SURF1: variants seen among roughly 807,000 people sequenced by gnomAD.
SURF1 encodes surfeit locus protein 1.
A neutral mutation model predicts 34.1 loss-of-function variants in SURF1; 45 were observed. That is an observed-to-expected ratio of 1.32 (90% CI 1.04 to 1.69). The LOEUF (loss-of-function observed/expected upper bound fraction) is 1.69. SURF1 is among the 40% of genes most tolerant of loss of function. The pLI, the probability that SURF1 is intolerant of heterozygous loss-of-function variation, is 0.00. For missense variants in SURF1, 456 were observed against 384.6 expected, an observed-to-expected ratio of 1.19 and a Z score of -1.55; for synonymous variants, 188 against 147.5, an observed-to-expected ratio of 1.27 and a Z score of -1.99.
chr9:133,353,757 G>A lies in SURF1; in HGVS notation c.507C>T (p.Thr169=), dbSNP rs2130014288. The A allele has an allele frequency of 1.4e-5, 23 of 1,613,700 alleles. No individual in the cohort carries two copies. In the Admixed American group the frequency reaches 1.7e-4, roughly 12 times the overall value. Residue 169 remains threonine (T), a synonymous_variant, in exon 5 of 9, where the codon ACC becomes ACT. Transcript: ENST00000371974. Reference sequence around the variant, plus strand: ...CCACATGTCCTACTCACCCCAGGTCGGTGCAGTGGAAGGGAGTGACCACAT... The same window carrying A: ...CCACATGTCCTACTCACCCCAGGTCAGTGCAGTGGAAGGGAGTGACCACAT... The part of the protein sequence containing the change: ...GAYVVTPFHC[T]DLGVTILVNR...
rs2130012458 is a variant in SURF1, at chr9:133,353,173, C to A, written c.516-407G>T. On this transcript the variant is annotated intron_variant, in intron 5 of 8. Coordinates refer to ENST00000371974, the MANE Select transcript of SURF1 (RefSeq NM_003172.4). ...GTGAGGAGCAGCCCTGGCACCCCAG[C>A]CTGCTGGAGATGAGTACTTGGGCCC... is the stretch of plus-strand genomic sequence containing the variant. Among the ~76,000 whole-genome samples the A allele has an allele frequency of 2.6e-5, 4 of 152,226 alleles. No homozygotes were observed. In the East Asian group the frequency reaches 5.8e-4, roughly 22 times the overall value.
rs782269669 is a variant in SURF1, at chr9:133,351,924, G to C, written c.892C>G (p.Pro298Ala). ...CAGCAGCTGATCTGTCACACACCAG[G>C]TGTCCCACGTAGGAATTTCTTAAAC... Reference protein sequence around the residue: ...LWFKKFLRGTPGV With the variant: ...LWFKKFLRGTAGV Residue 298 changes from proline (P) to alanine (A), a missense_variant, in exon 9 of 9, where the codon CCT (proline) becomes GCT (alanine). Physicochemically the swap from Pro to Ala is conservative, Grantham distance 27. Transcript: ENST00000371974. 5.0e-6 allele frequency: 8 copies of C among 1,613,782 alleles called. No homozygotes were observed. The highest frequency in any genetic ancestry group is 6.8e-6 in the Non-Finnish European group (8 of 1,179,940).
Position 133,356,304 on chromosome 9 carries a change from G to A in SURF1, c.71C>T (p.Ala24Val), listed in dbSNP as rs2130025150. Reference protein sequence around the residue: ...AGLGRAPASAAWRSVLRVSPR... With the variant: ...AGLGRAPASAVWRSVLRVSPR... ...GGAGACCCTGAGGACGCTCCTCCAG[G>A]CGGCGCTGGCCGGGGCCTGCGGACA... The change falls in exon 2 of 9, where the codon GCC becomes GTC. Residue 24 changes from alanine to valine, a missense_variant. Physicochemically the swap from Ala to Val is moderately conservative, Grantham distance 64. Coordinates refer to ENST00000371974, the MANE Select transcript of SURF1 (RefSeq NM_003172.4). 1.3e-6 allele frequency: 2 copies of A among 1,527,116 alleles called. No individual in the cohort carries two copies. The highest frequency in any genetic ancestry group is 2.4e-5 in the South Asian group (2 of 83,498). 94.6% of individuals were successfully genotyped at this position (1,527,116 alleles called of 1,614,324 possible).
rs2130004908 is a variant in SURF1 at position 133,352,130 on chromosome 9, G to A, written c.764C>T (p.Pro255Leu). 3 of 1,602,686 alleles carry A rather than the reference G, an allele frequency of 1.9e-6. No homozygotes were observed. In the East Asian group the frequency reaches 6.7e-5, roughly 36 times the overall value. ...GGTTTGCCCTCCAATGGGTCCTCCAGGGACTGTGCTCTCTGTGGAGACAGC... is the reference window on the plus strand; with the variant it reads ...GGTTTGCCCTCCAATGGGTCCTCCAAGGACTGTGCTCTCTGTGGAGACAGC... ...FIDANFQSTV[P>L]GGPIGGQTRV... Residue 255 changes from proline to leucine, a missense_variant, in exon 8 of 9, where the codon CCT (proline) becomes CTT (leucine). By Grantham distance (98) the Pro-to-Leu change is moderately conservative. Transcript: ENST00000371974.
chr9:133,356,403 T>A lies in SURF1; in HGVS notation c.51A>T (p.Gly17=), dbSNP rs1237277538. Residue 17 remains glycine, a synonymous_variant, in exon 1 of 9, where the codon GGA becomes GGT. Coordinates refer to ENST00000371974, the MANE Select transcript of SURF1 (RefSeq NM_003172.4). ...GCACCCCGCACCCGGCGCTCACCCG[T>A]CCCAGCCCCGCCGCCCGCAGCCCCA... ...LQLGLRAAGL[G]RAPASAAWRS... is the part of the protein sequence containing the mutation. 2 of 705,258 alleles carry A rather than the reference T, an allele frequency of 2.8e-6. No individual in the cohort carries two copies. Among genetic ancestry groups the A allele is most frequent in the Non-Finnish European group, 3.9e-6 (2 of 508,618 alleles). 43.7% of individuals were successfully genotyped at this position (705,258 alleles called of 1,614,324 possible). A position where few individuals can be genotyped will look rare whatever the true frequency, so the allele number is the denominator to read the frequency against.
chr9:133,354,642 G>A lies in SURF1; in HGVS notation c.323+17C>T. ...ACTCAAGTAAAACAGGCCCTAGGGG[G>A]GCAGCCATGCACTCACTCGGCTGGC... On this transcript the variant is annotated intron_variant, in intron 4 of 8. Coordinates refer to ENST00000371974, the MANE Select transcript of SURF1 (RefSeq NM_003172.4). 6.2e-7 allele frequency: 1 copy of A among 1,612,026 alleles called. No individual in the cohort carries two copies. The highest frequency in any genetic ancestry group is 1.1e-5 in the South Asian group (1 of 91,016).
chr9:133,352,388 A>C, intron 7 of SURF1, 58 bp downstream of exon 7: 1 of 1,613,044 alleles, frequency 6.2e-7, no homozygotes, highest in East Asian at 2.2e-5. Flanking sequence ...GAGGGTTAGG[A>C]GGAAGGACAG....
Position 133,351,804 on chromosome 9 carries a change from C to T in SURF1, c.*109G>A. On this transcript the variant is annotated 3_prime_UTR_variant, in exon 9 of 9. Coordinates refer to ENST00000371974, the MANE Select transcript of SURF1 (RefSeq NM_003172.4). ...GATTTTATGATGAACCAGTCATGAGCTCATTTAAGGTAGAAGGCCAGAACT... is the reference window on the plus strand; with the variant it reads ...GATTTTATGATGAACCAGTCATGAGTTCATTTAAGGTAGAAGGCCAGAACT... 8.0e-7 allele frequency: 1 copy of T among 1,244,212 alleles called. No individual in the cohort carries two copies. Among genetic ancestry groups the T allele is most frequent in the Non-Finnish European group, 1.2e-6 (1 of 869,426 alleles). The allele number at this position is 1,244,212 out of a possible 1,614,324, so 77.1% of individuals were successfully genotyped here. A position where few individuals can be genotyped will look rare whatever the true frequency, so the allele number is the denominator to read the frequency against.
Position 133,353,857 on chromosome 9 carries a change from G to A in SURF1, c.407C>T (p.Pro136Leu). ...CCGGACAGGGTCCACCATGGTCCGG[G>A]GCATCATATACAGCTCCTTGGAATG... ...FDHSKELYMM[P>L]RTMVDPVREA... is the part of the protein sequence containing the mutation. Residue 136 changes from proline (P) to leucine (L), a missense_variant, in exon 5 of 9, where the codon CCC becomes CTC. Pro to Leu is a moderately conservative substitution (Grantham distance 98). Transcript: ENST00000371974. The A allele has an allele frequency of 1.9e-6, 3 of 1,613,854 alleles. No homozygotes were observed. In the South Asian group the frequency reaches 3.3e-5, roughly 18 times the overall value.
At position 133,354,793 on chromosome 9, in the gene SURF1, A is replaced by C. The variant is rs2130018693; in HGVS notation, c.240+31T>G. On this transcript the variant is annotated intron_variant, in intron 3 of 8. Coordinates refer to ENST00000371974, the MANE Select transcript of SURF1 (RefSeq NM_003172.4). Reference sequence around the variant, plus strand: ...CAGATGGCAGCAAGGTCAAGGGCCCAGAGTTACGCACACCAGATGCCGGTC... The same window carrying C: ...CAGATGGCAGCAAGGTCAAGGGCCCCGAGTTACGCACACCAGATGCCGGTC... The C allele has an allele frequency of 1.9e-6, 3 of 1,613,814 alleles. No homozygotes were observed. In the Admixed American group the frequency reaches 5.0e-5, roughly 27 times the overall value.
In SURF1 at chr9:133,351,867, T is replaced by C; in HGVS notation, c.*46A>G. On this transcript the variant is annotated 3_prime_UTR_variant, in exon 9 of 9. Coordinates refer to ENST00000371974, the MANE Select transcript of SURF1 (RefSeq NM_003172.4). ...CACATGATCCAGCATAAAGGCAGTCTTGAAATACTGCATTATCCAGGGACA... is the reference window on the plus strand; with the variant it reads ...CACATGATCCAGCATAAAGGCAGTCCTGAAATACTGCATTATCCAGGGACA... 1 of 1,594,402 alleles carries C rather than the reference T, an allele frequency of 6.3e-7. No homozygotes were observed. The highest frequency in any genetic ancestry group is 8.6e-7 in the Non-Finnish European group (1 of 1,166,996).
chr9:133,352,343 T>G (rs1454024681), intron 7 of SURF1, 103 bp downstream of exon 7: 30 of 1,577,398 alleles, frequency 1.9e-5, no homozygotes, highest in Non-Finnish European at 2.6e-5. Context: ...CATATACACA[T>G]GTGAGAACAT....
At position 133,351,785 on chromosome 9, in the gene SURF1, A is replaced by G. The variant is rs1836415978; in HGVS notation, c.*128T>C. The stretch of plus-strand genomic sequence containing the variant: ...TGGACTGAAACCAAGCCAGGATTTT[A>G]TGATGAACCAGTCATGAGCTCATTT... On this transcript the variant is annotated 3_prime_UTR_variant, in exon 9 of 9. Coordinates refer to ENST00000371974, the MANE Select transcript of SURF1 (RefSeq NM_003172.4). The G allele has an allele frequency of 2.7e-6, 3 of 1,094,650 alleles. No individual in the cohort carries two copies. The highest frequency in any genetic ancestry group is 4.1e-6 in the Non-Finnish European group (3 of 738,014). The allele number at this position is 1,094,650 out of a possible 1,614,324, so 67.8% of individuals were successfully genotyped here. A position where few individuals can be genotyped will look rare whatever the true frequency, so the allele number is the denominator to read the frequency against.
At position 133,356,409 on chromosome 9, in the gene SURF1, C is replaced by G. The variant is rs1384592922; in HGVS notation, c.45G>C (p.Gly15=). 7.2e-7 allele frequency: 1 copy of G among 1,391,246 alleles called. No homozygotes were observed. Among genetic ancestry groups the G allele is most frequent in the Non-Finnish European group, 9.3e-7 (1 of 1,075,770 alleles). The allele number at this position is 1,391,246 out of a possible 1,614,324, so 86.2% of individuals were successfully genotyped here. ...AALQLGLRAA[G]LGRAPASAAW... is the part of the protein sequence containing the mutation. Reference sequence around the variant, plus strand: ...CGCACCCGGCGCTCACCCGTCCCAGCCCCGCCGCCCGCAGCCCCAGCTGCA... The same window carrying G: ...CGCACCCGGCGCTCACCCGTCCCAGGCCCGCCGCCCGCAGCCCCAGCTGCA... The change falls in exon 1 of 9, where the codon GGG becomes GGC. Residue 15 remains glycine, a synonymous_variant. Coordinates refer to ENST00000371974, the MANE Select transcript of SURF1 (RefSeq NM_003172.4).
chr9:133,352,535 T>C lies in SURF1; in HGVS notation c.662A>G (p.Asn221Ser). The C allele has an allele frequency of 6.2e-7, 1 of 1,614,216 alleles. No homozygotes were observed. The highest frequency in any genetic ancestry group is 1.3e-5 in the African/African-American group (1 of 75,050). ...ATAATGCCAGTGGTTCCTTTCTGGATTGTTCTCAGGGACAAAAGGCTGCCT... is the reference window on the plus strand; with the variant it reads ...ATAATGCCAGTGGTTCCTTTCTGGACTGTTCTCAGGGACAAAAGGCTGCCT... ...ETRQPFVPEN[N>S]PERNHWHYRD... is the part of the protein sequence containing the mutation. Residue 221 changes from asparagine to serine, a missense_variant, in exon 7 of 9, where the codon AAT (asparagine) becomes AGT (serine). Coordinates refer to ENST00000371974, the MANE Select transcript of SURF1 (RefSeq NM_003172.4).
chr9:133,353,302 G>T (rs1263174276), intron 5 of SURF1, among the ~76,000 whole-genome samples: 1 of 152,192 alleles, frequency 6.6e-6, no homozygotes, highest in African/African-American at 2.4e-5. Context: ...AGGTGCTCCT[G>T]TACCTGTCAT....
At chr9:133,352,424 G>A (rs2130006771) in intron 7 of SURF1, 22 bp downstream of exon 7, 3 of 1,614,230 alleles carry the variant, frequency 1.9e-6, no homozygotes, top group Admixed American at 3.3e-5. Context: ...CTTGTTCCGA[G>A]ATGGGCTGGT....
intron 4 of SURF1, chr9:133,354,209 G>A (rs1836509413): frequency 3.6e-6 from 2 of 554,450 alleles, no homozygotes; most frequent in African/African-American, 1.9e-5. Flanking sequence ...CCATCTGCAA[G>A]CCAAATCTGG....
At chr9:133,354,072 G>C in intron 4 of SURF1, 132 bp from the exon 5 acceptor site, 1 of 974,238 alleles carries the variant, frequency 1.0e-6, no homozygotes, top group Non-Finnish European at 1.6e-6. Context: ...CTTCAAAGGG[G>C]AACTTTGATG....
Sources: gnomAD v4.1 joint callset for allele counts (sites outside exome capture counted in the v4.1 genomes callset) on GRCh38, gnomAD v4.1.1 for gene constraint, MANE v1.5 for transcripts, NCBI Gene and HGNC (gene_info 2026-07-23, HGNC 2026-07-21) for gene names.